Variants in TBC1D22A observed in about 807,000 individuals in gnomAD.
TBC1D22A encodes TBC1 domain family member 22A.
In TBC1D22A, 38 loss-of-function variants were observed where a neutral mutation model predicts 60.2. That is an observed-to-expected ratio of 0.63 (90% CI 0.49 to 0.83). The LOEUF is 0.83. Ranked by LOEUF, TBC1D22A falls within the 40% of genes least tolerant of loss-of-function variation. The probability of loss-of-function intolerance (pLI) is 0.00; values close to 1 mark genes in which losing one functional copy is unlikely to be tolerated. For missense variants in TBC1D22A, 628 were observed against 701.0 expected, an observed-to-expected ratio of 0.90 and a Z score of 1.18; for synonymous variants, 302 against 281.7, an observed-to-expected ratio of 1.07 and a Z score of -0.72.
rs374028453 is a variant in TBC1D22A, at chr22:47,160,397, C to T, written c.1426-13101C>T. On this transcript the variant is annotated intron_variant, in intron 12 of 12. Transcript: ENST00000337137. ...AATCATGTGGCCCATTGATCCTACC[C>T]GCCTGGGAGAAGGGAACGTCCTGGT... 7.9e-5 allele frequency among the ~76,000 whole-genome samples: 12 copies of T among 152,322 alleles called. 2 individuals carry two copies. The highest frequency in any genetic ancestry group is 3.9e-4 in the East Asian group (2 of 5,182).
chr22:46,804,009 G>C (rs765359435), intron 4 of TBC1D22A, among the ~76,000 whole-genome samples: 2 of 152,208 alleles, frequency 1.3e-5, no homozygotes, highest in Non-Finnish European at 2.9e-5. Flanking sequence ...TGTGTCTCTG[G>C]TTTTACTTTG....
intron 4 of TBC1D22A, among the ~76,000 whole-genome samples, chr22:46,852,727 C>T (rs1359933925): frequency 2.6e-5 from 4 of 152,198 alleles, no homozygotes; most frequent in Non-Finnish European, 5.9e-5. Flanking sequence ...TGTCTCTCTG[C>T]TCCTGCTTGA....
chr22:46,942,033 T>TAG (rs2072203869), intron 8 of TBC1D22A, among the ~76,000 whole-genome samples: 1 of 145,026 alleles, frequency 6.9e-6, no homozygotes, highest in African/African-American at 2.5e-5. Flanking sequence ...ATATTATATA[T>TAG]ATATATACAC....
At position 47,154,871 on chromosome 22, in the gene TBC1D22A, G is replaced by A. The variant is rs547594524; in HGVS notation, c.1426-18627G>A. On this transcript the variant is annotated intron_variant, in intron 12 of 12. Coordinates refer to ENST00000337137, the MANE Select transcript of TBC1D22A (RefSeq NM_014346.5). ...GCCTTGTCCTCTGGCGTTTTCACTC[G>A]GGATCGCTGTGGGAAGAGCCTTGTA... Among the ~76,000 whole-genome samples, 631 of 152,318 alleles carry A rather than the reference G, an allele frequency of 4.1e-3. 2 individuals are homozygous for A. Among genetic ancestry groups the A allele is most frequent in the Non-Finnish European group, 6.0e-3 (407 of 68,026 alleles).
chr22:46,769,297 G>A (rs889273147), intron 1 of TBC1D22A, among the ~76,000 whole-genome samples: 8 of 152,318 alleles, frequency 5.3e-5, no homozygotes, highest in Middle Eastern at 3.4e-3. Context: ...GCCACAGTCC[G>A]TCCTCAGCCG....
intron 10 of TBC1D22A, among the ~76,000 whole-genome samples, chr22:47,000,281 G>A (rs2075269432): frequency 6.6e-6 from 1 of 152,156 alleles, no homozygotes; most frequent in East Asian, 1.9e-4. Context: ...AGCTGGAGGA[G>A]GGGGAGGTCT....
Position 47,048,451 on chromosome 22 carries a change from G to A in TBC1D22A, c.1329+11253G>A, listed in dbSNP as rs540948115. 5.5e-4 allele frequency among the ~76,000 whole-genome samples: 83 copies of A among 152,286 alleles called. 1 individual carries two copies. Among genetic ancestry groups the A allele is most frequent in the African/African-American group, 1.9e-3 (78 of 41,556 alleles). On this transcript the variant is annotated intron_variant, in intron 11 of 12. Transcript: ENST00000337137. ...GCCGAGACGGTGCTCAGGAGTCTCT[G>A]GTCAGAGTTCCTGGTTACAGAGGCC...
At chr22:47,158,969 C>T (rs565139478) in intron 12 of TBC1D22A, among the ~76,000 whole-genome samples, 1 of 151,626 alleles carries the variant, frequency 6.6e-6, no homozygotes, top group African/African-American at 2.4e-5. Context: ...TACACAGACA[C>T]CACACACAAC....
intron 3 of TBC1D22A, among the ~76,000 whole-genome samples, chr22:46,794,805 T>G (rs937699560): frequency 2.6e-5 from 4 of 152,078 alleles, no homozygotes; most frequent in African/African-American, 9.7e-5. Context: ...AGTGGTGCTG[T>G]TGGGAGGCAG....
rs566975964 is a variant in TBC1D22A at position 46,990,842 on chromosome 22, C to T, written c.1126-6792C>T. 1.1e-4 allele frequency among the ~76,000 whole-genome samples: 17 copies of T among 152,342 alleles called. No individual in the cohort carries two copies. The South Asian group carries it at 1.9e-3, about 17-fold the overall frequency. ...CGTTCGTGACGGCTCTGCTCCTCGCCGTGTGCGTCTGGAAGTGACCATGGA... is the reference window on the plus strand; with the variant it reads ...CGTTCGTGACGGCTCTGCTCCTCGCTGTGTGCGTCTGGAAGTGACCATGGA... On this transcript the variant is annotated intron_variant, in intron 9 of 12. Coordinates refer to ENST00000337137, the MANE Select transcript of TBC1D22A (RefSeq NM_014346.5). The surrounding 1 kb of genome is among the most constrained non-coding windows in gnomAD (Gnocchi z 4.6).
At chr22:46,858,364 C>T (rs897477649) in intron 4 of TBC1D22A, among the ~76,000 whole-genome samples, 1 of 152,180 alleles carries the variant, frequency 6.6e-6, no homozygotes, top group Non-Finnish European at 1.5e-5. Context: ...ACACTCAATA[C>T]TGTCTTTTTA....
chr22:46,906,116 C>T (rs5767398), intron 7 of TBC1D22A, among the ~76,000 whole-genome samples: 62,162 of 151,996 alleles, frequency 0.41, 15,550 homozygotes, highest in African/African-American at 0.68. Context: ...TGGTTCTTGG[C>T]TTGCCCTCAG....
intron 8 of TBC1D22A, among the ~76,000 whole-genome samples, chr22:46,924,079 C>A (rs753936): frequency 0.77 from 117,671 of 152,184 alleles, 45,742 homozygotes; most frequent in Middle Eastern, 0.85. Context: ...TTTAAGCAGA[C>A]AATTGTATTT....
At chr22:46,768,399 C>T (rs553181660) in intron 1 of TBC1D22A, among the ~76,000 whole-genome samples, 128 of 148,280 alleles carry the variant, frequency 8.6e-4, no homozygotes, top group Non-Finnish European at 1.5e-3. Context: ...GCAGGAGAGT[C>T]GCTTGAACAC....
intron 4 of TBC1D22A, among the ~76,000 whole-genome samples, chr22:46,855,684 G>GC (rs1483696219): frequency 2.0e-5 from 3 of 152,142 alleles, no homozygotes; most frequent in Admixed American, 2.0e-4. Flanking sequence ...CCAGATCCAG[G>GC]CTCCCGCAAG....
At chr22:47,063,392 G>A (rs574849973) in intron 11 of TBC1D22A, among the ~76,000 whole-genome samples, 41 of 152,248 alleles carry the variant, frequency 2.7e-4, no homozygotes, top group African/African-American at 8.7e-4. Context: ...GCCCGGCCTC[G>A]TCCTGGAGCC....
At chr22:46,873,519 T>C (rs573066026) in intron 4 of TBC1D22A, among the ~76,000 whole-genome samples, 2 of 152,326 alleles carry the variant, frequency 1.3e-5, no homozygotes, top group African/African-American at 2.4e-5. Context: ...TTTACTTATT[T>C]ATTTTTAAAT....
intron 8 of TBC1D22A, among the ~76,000 whole-genome samples, chr22:46,924,190 T>C (rs986686187): frequency 2.6e-5 from 4 of 152,230 alleles, no homozygotes; most frequent in Non-Finnish European, 5.9e-5. Flanking sequence ...CAGTCTTGAC[T>C]GAGTCCTTTG....
chr22:47,150,226 G>T (rs887958437), intron 12 of TBC1D22A, among the ~76,000 whole-genome samples: 1 of 152,118 alleles, frequency 6.6e-6, no homozygotes, highest in East Asian at 1.9e-4. Context: ...GCACCGCCAC[G>T]CCCATTCAGG....
Sources: gnomAD v4.1 joint callset for allele counts (sites outside exome capture counted in the v4.1 genomes callset) on GRCh38, gnomAD v4.1.1 for gene constraint, Gnocchi (gnomAD v3.1) non-coding constraint, MANE v1.5 for transcripts, NCBI Gene and HGNC (gene_info 2026-07-23, HGNC 2026-07-21) for gene names.